The following CTNNA3 variants were observed in gnomAD, a reference collection of about 807,000 sequenced individuals.
CTNNA3 encodes the protein catenin alpha-3.
CTNNA3 carries 76 observed loss-of-function variants against 95.7 expected under a neutral mutation model. That is an observed-to-expected ratio of 0.79 (90% CI 0.66 to 0.96). The LOEUF (loss-of-function observed/expected upper bound fraction) is 0.96, where lower values mean the gene tolerates loss of function less well. Ranked by LOEUF, CTNNA3 falls within the 40% of genes least tolerant of loss-of-function variation. CTNNA3 has a pLI of 0.00. For missense variants in CTNNA3, 1,191 were observed against 1,089.8 expected (o/e 1.09, Z -1.31); for synonymous variants, 431 against 374.4 (o/e 1.15, Z -1.74).
intron 11 of CTNNA3, among the ~76,000 whole-genome samples, chr10:66,453,475 C>T (rs2093477682): frequency 6.6e-6 from 1 of 152,208 alleles, no homozygotes; most frequent in African/African-American, 2.4e-5. Flanking sequence ...GAGATCCGGC[C>T]AGGGCCAGGG....
At chr10:66,589,901 C>A (rs1843488499) in intron 10 of CTNNA3, among the ~76,000 whole-genome samples, 9 of 151,794 alleles carry the variant, frequency 5.9e-5, no homozygotes, top group Non-Finnish European at 1.0e-4. Context: ...TTTGTGATTC[C>A]CATCATAAAC....
At position 66,265,873 on chromosome 10, in the gene CTNNA3, A is replaced by T. The variant is rs183525884; in HGVS notation, c.1884+14597T>A. Among the ~76,000 whole-genome samples, 281 of 152,160 alleles carry T rather than the reference A, an allele frequency of 1.8e-3. 3 individuals carry two copies. The highest frequency in any genetic ancestry group is 6.6e-3 in the African/African-American group (275 of 41,540). On this transcript the variant is annotated intron_variant, in intron 13 of 17. Transcript: ENST00000433211. ...TCTTTACTCCCTGTCTCTTTCTACA[A>T]AAATGTAAACTCCATGAAAATGGAA...
chr10:67,726,892 T>C (rs1239639458), intron 1 of CTNNA3, among the ~76,000 whole-genome samples: 1 of 114,374 alleles, frequency 8.7e-6, no homozygotes, highest in East Asian at 2.5e-4. Flanking sequence ...TAATGATACA[T>C]CATATATGAT....
At chr10:67,241,833 A>G (rs1332374878) in intron 5 of CTNNA3, among the ~76,000 whole-genome samples, 19 of 152,246 alleles carry the variant, frequency 1.2e-4, no homozygotes, top group Admixed American at 1.0e-3. Flanking sequence ...ATTAATAAAA[A>G]GTGGTGATGG....
At chr10:66,755,357 TTTAAAA>T in intron 9 of CTNNA3, among the ~76,000 whole-genome samples, 1 of 152,138 alleles carries the variant, frequency 6.6e-6, no homozygotes. Context: ...GAAAAAATGT[TTTAAAA>T]TTGATTGTAG....
chr10:67,438,200 T>C (rs1453694085), intron 5 of CTNNA3, among the ~76,000 whole-genome samples: 1 of 152,146 alleles, frequency 6.6e-6, no homozygotes, highest in African/African-American at 2.4e-5. Context: ...ATGGGAATGT[T>C]CCCACCACCC....
At chr10:66,945,873 T>G (rs1272856270) in intron 7 of CTNNA3, among the ~76,000 whole-genome samples, 1 of 152,140 alleles carries the variant, frequency 6.6e-6, no homozygotes, top group Non-Finnish European at 1.5e-5. Flanking sequence ...GGCTGGTCAG[T>G]GAAGCGGTCA....
intron 11 of CTNNA3, among the ~76,000 whole-genome samples, chr10:66,449,300 G>C (rs1179264150): frequency 3.3e-5 from 5 of 152,074 alleles, no homozygotes; most frequent in Admixed American, 2.6e-4. Flanking sequence ...GGTGTTTCTT[G>C]GTGCTGACTG....
intron 7 of CTNNA3, among the ~76,000 whole-genome samples, chr10:66,827,407 A>G (rs1288904327): frequency 1.3e-5 from 2 of 152,096 alleles, no homozygotes; most frequent in Non-Finnish European, 2.9e-5. Flanking sequence ...ATCATTAACA[A>G]TGATACTTTC....
At chr10:67,512,910 G>A (rs1202262553) in intron 5 of CTNNA3, among the ~76,000 whole-genome samples, 2 of 152,096 alleles carry the variant, frequency 1.3e-5, no homozygotes, top group African/African-American at 4.8e-5. Flanking sequence ...GCCTGAACCT[G>A]GGAGGCAGAG....
At chr10:66,334,113 C>T (rs1226967499) in intron 12 of CTNNA3, among the ~76,000 whole-genome samples, 8 of 151,886 alleles carry the variant, frequency 5.3e-5, no homozygotes, top group Admixed American at 4.6e-4. Flanking sequence ...TATTTTGAGC[C>T]CATGTGTGTC....
intron 5 of CTNNA3, among the ~76,000 whole-genome samples, chr10:67,434,276 T>C (rs1846222331): frequency 6.6e-6 from 1 of 152,018 alleles, no homozygotes; most frequent in Non-Finnish European, 1.5e-5. Context: ...AATGTCCTCA[T>C]TTGAAGTTGG....
intron 13 of CTNNA3, among the ~76,000 whole-genome samples, chr10:66,276,946 T>G (rs2091410890): frequency 6.6e-6 from 1 of 152,118 alleles, no homozygotes; most frequent in African/African-American, 2.4e-5. Context: ...TGTTTCTTGC[T>G]TTAGTTTTAA....
intron 5 of CTNNA3, among the ~76,000 whole-genome samples, chr10:67,303,571 A>G (rs1253210869): frequency 6.6e-6 from 1 of 152,244 alleles, no homozygotes; most frequent in African/African-American, 2.4e-5. Context: ...GAAATTTAAA[A>G]TATTTTGCAA....
intron 9 of CTNNA3, among the ~76,000 whole-genome samples, chr10:66,668,420 A>ATG (rs1491579916): frequency 6.6e-5 from 3 of 45,202 alleles, no homozygotes; most frequent in African/African-American, 1.3e-4. Context: ...CTCAACTCTC[A>ATG]TATGTGTGTG....
chr10:67,288,486 A>G (rs1366125039), intron 5 of CTNNA3, among the ~76,000 whole-genome samples: 2 of 152,196 alleles, frequency 1.3e-5, no homozygotes, highest in African/African-American at 4.8e-5. Context: ...AATATAAACA[A>G]TGAATTTGTA....
intron 5 of CTNNA3, among the ~76,000 whole-genome samples, chr10:67,357,233 C>T (rs1842841236): frequency 6.6e-6 from 1 of 152,110 alleles, no homozygotes; most frequent in Non-Finnish European, 1.5e-5. Context: ...TTCCTCTTCT[C>T]TCTCATTGTA....
At chr10:66,235,599 AC>A (rs1287713576) in intron 13 of CTNNA3, among the ~76,000 whole-genome samples, 5 of 152,122 alleles carry the variant, frequency 3.3e-5, no homozygotes, top group African/African-American at 1.2e-4. Flanking sequence ...AGAAGAGTCA[AC>A]TAATTTTAAG....
At chr10:67,468,963 C>T (rs185616996) in intron 5 of CTNNA3, among the ~76,000 whole-genome samples, 4 of 152,224 alleles carry the variant, frequency 2.6e-5, no homozygotes, top group East Asian at 1.9e-4. Flanking sequence ...AACTTGCATT[C>T]GTATAAGGAA....
Sources: gnomAD v4.1 joint callset for allele counts (sites outside exome capture counted in the v4.1 genomes callset) on GRCh38, gnomAD v4.1.1 for gene constraint, MANE v1.5 for transcripts, NCBI Gene and HGNC (gene_info 2026-07-23, HGNC 2026-07-21) for gene names.